Variants in AGPS observed in about 807,000 individuals in gnomAD.
AGPS encodes alkylglycerone phosphate synthase.
In AGPS, 26 loss-of-function variants were observed where a neutral mutation model predicts 90.7. The observed-to-expected ratio is 0.29, with a 90% CI of 0.21 to 0.40. AGPS has a LOEUF of 0.40. AGPS is among the 10% of genes least tolerant of loss of function. The pLI is 1.00. For missense variants in AGPS, 540 were observed against 816.1 expected (o/e 0.66, Z 4.12); for synonymous variants, 294 against 285.3 (o/e 1.03, Z -0.31).
intron 3 of AGPS, among the ~76,000 whole-genome samples, chr2:177,436,056 C>G (rs1391166370): frequency 6.7e-6 from 1 of 149,934 alleles, no homozygotes; most frequent in Admixed American, 6.7e-5. Context: ...TTTAAAGCAG[C>G]TCTATAAAAA....
chr2:177,446,181 TCTCA>T (rs1166231916), intron 8 of AGPS, among the ~76,000 whole-genome samples: 3 of 150,934 alleles, frequency 2.0e-5, no homozygotes, highest in Admixed American at 6.6e-5. Flanking sequence ...TGAGACGGAG[TCTCA>T]CTCTGTCGCC....
chr2:177,494,994 G>A (rs1688372321), intron 12 of AGPS, among the ~76,000 whole-genome samples: 1 of 152,146 alleles, frequency 6.6e-6, no homozygotes. Flanking sequence ...CACATTGGTT[G>A]TTAACAAAGC....
intron 19 of AGPS, among the ~76,000 whole-genome samples, chr2:177,528,951 G>A (rs2079113670): frequency 6.8e-6 from 1 of 146,970 alleles, no homozygotes; most frequent in African/African-American, 2.5e-5. Flanking sequence ...TGCCTCCCGG[G>A]TTCAAGCTAT....
At chr2:177,448,077 G>A (rs536192569) in intron 8 of AGPS, among the ~76,000 whole-genome samples, 1 of 151,828 alleles carries the variant, frequency 6.6e-6, no homozygotes, top group Non-Finnish European at 1.5e-5. Flanking sequence ...TATCTGACTC[G>A]AATTTTTTTT....
intron 19 of AGPS, 90 bp from the exon 20 acceptor site, chr2:177,537,984 C>T (rs2079198963): frequency 4.0e-6 from 6 of 1,498,650 alleles, no homozygotes; most frequent in Non-Finnish European, 5.6e-6. Flanking sequence ...AAGCATTTAT[C>T]ACACAGTGTT....
Position 177,513,892 on chromosome 2 carries a change from C to T in AGPS, c.1681C>T (p.Pro561Ser). ...ECKEKGVQFA[P>S]FSTCRVTQTY... The stretch of plus-strand genomic sequence containing the variant: ...CAAAGAGAAGGGTGTTCAGTTTGCT[C>T]CTTTTTCTACATGCAGGTAAGTTTT... Residue 561 changes from proline to serine, a missense_variant, in exon 17 of 20, where the codon CCT becomes TCT. Coordinates refer to ENST00000264167, the MANE Select transcript of AGPS (RefSeq NM_003659.4). 1.2e-6 allele frequency: 2 copies of T among 1,612,790 alleles called. No individual in the cohort carries two copies. The highest frequency in any genetic ancestry group is 1.7e-6 in the Non-Finnish European group (2 of 1,179,026).
At chr2:177,469,884 A>C (rs1687561561) in intron 10 of AGPS, among the ~76,000 whole-genome samples, 1 of 152,164 alleles carries the variant, frequency 6.6e-6, no homozygotes, top group Non-Finnish European at 1.5e-5. Flanking sequence ...TAGTTGCTAG[A>C]TATTATGCTG....
At chr2:177,514,169 C>T (rs1419427388) in intron 17 of AGPS, among the ~76,000 whole-genome samples, 3 of 152,020 alleles carry the variant, frequency 2.0e-5, no homozygotes, top group Non-Finnish European at 4.4e-5. Flanking sequence ...AGCCAGGTGT[C>T]TGGACTCCTG....
intron 8 of AGPS, 145 bp from the exon 9 acceptor site, chr2:177,461,748 C>CTTTTTTTTTT (rs56895184): frequency 2.3e-6 from 1 of 440,594 alleles, no homozygotes; most frequent in Non-Finnish European, 3.7e-6. Flanking sequence ...ATAAAAGTAT[C>CTTTTTTTTTT]TTTTTTTTTT....
intron 8 of AGPS, among the ~76,000 whole-genome samples, chr2:177,453,997 A>G (rs1415831025): frequency 2.0e-5 from 3 of 147,596 alleles, no homozygotes; most frequent in African/African-American, 4.9e-5. Context: ...CCCTCTGGCT[A>G]CTTTTAAGAT....
intron 8 of AGPS, among the ~76,000 whole-genome samples, chr2:177,457,129 G>T (rs10803909): frequency 1.3e-5 from 2 of 152,000 alleles, no homozygotes; most frequent in Non-Finnish European, 2.9e-5. Context: ...AAATAAAGAT[G>T]TTCTTTGAAA....
At chr2:177,464,737 C>T (rs1483596597) in intron 9 of AGPS, among the ~76,000 whole-genome samples, 1 of 152,228 alleles carries the variant, frequency 6.6e-6, no homozygotes, top group Non-Finnish European at 1.5e-5. Flanking sequence ...AGAGCTGAAG[C>T]TCATCGCTAT....
intron 14 of AGPS, among the ~76,000 whole-genome samples, chr2:177,501,613 C>T (rs1475910528): frequency 6.6e-6 from 1 of 152,138 alleles, no homozygotes; most frequent in Non-Finnish European, 1.5e-5. Flanking sequence ...AGTGTATTTT[C>T]ATCTTTAGGT....
intron 8 of AGPS, among the ~76,000 whole-genome samples, chr2:177,447,661 A>G (rs1686817746): frequency 6.6e-6 from 1 of 151,904 alleles, no homozygotes; most frequent in Admixed American, 6.6e-5. Flanking sequence ...TGAAATTTAA[A>G]TGACATTTTC....
At chr2:177,464,742 C>T (rs112674397) in intron 9 of AGPS, among the ~76,000 whole-genome samples, 10 of 152,330 alleles carry the variant, frequency 6.6e-5, no homozygotes, top group South Asian at 6.2e-4. Flanking sequence ...TGAAGCTCAT[C>T]GCTATTAGCG....
At chr2:177,513,269 A>G (rs561194590) in intron 16 of AGPS, among the ~76,000 whole-genome samples, 46 of 150,846 alleles carry the variant, frequency 3.0e-4, no homozygotes, top group African/African-American at 1.1e-3. Context: ...TAATTTTTTA[A>G]TATTTTGTAG....
rs2079249336 is a variant in AGPS at position 177,542,822 on chromosome 2, A to G, written c.*4627A>G. 6.6e-6 allele frequency: 1 copy of G among 152,016 alleles called. No homozygotes were observed. The highest frequency in any genetic ancestry group is 2.4e-5 in the African/African-American group (1 of 41,294). 9.4% of individuals were successfully genotyped at this position (152,016 alleles called of 1,614,324 possible). On this transcript the variant is annotated 3_prime_UTR_variant, in exon 20 of 20. Transcript: ENST00000264167. ...TTGAGCTACTTATACTATATCCCCA[A>G]AAGCTCACAGTGCCTTGTTGGGATT...
chr2:177,531,666 A>G (rs2079138382), intron 19 of AGPS, among the ~76,000 whole-genome samples: 1 of 152,148 alleles, frequency 6.6e-6, no homozygotes, highest in Admixed American at 6.6e-5. Context: ...TTTATATGGT[A>G]AGGAGAAGGA....
chr2:177,435,879 T>C (rs1686393187), intron 3 of AGPS, among the ~76,000 whole-genome samples: 1 of 152,188 alleles, frequency 6.6e-6, no homozygotes, highest in Non-Finnish European at 1.5e-5. Context: ...GCCTTCCTTA[T>C]AGTAGCACTA....
Sources: gnomAD v4.1 joint callset for allele counts (sites outside exome capture counted in the v4.1 genomes callset) on GRCh38, gnomAD v4.1.1 for gene constraint, MANE v1.5 for transcripts, NCBI Gene and HGNC (gene_info 2026-07-23, HGNC 2026-07-21) for gene names.